FUNDC2: variants seen among roughly 807,000 people sequenced by gnomAD.
FUNDC2 encodes the protein FUN14 domain containing 2, also known as FUN14 domain-containing protein 2.
FUNDC2 carries 4 observed loss-of-function variants against 15.6 expected under a neutral mutation model. The ratio of observed to expected loss-of-function variants is 0.26; its 90% CI spans 0.13 to 0.59. The LOEUF (loss-of-function observed/expected upper bound fraction) is 0.59, where lower values mean the gene tolerates loss of function less well. Among genes scored for constraint, FUNDC2 ranks in the 20% least tolerant of loss-of-function variants. FUNDC2 has a pLI of 0.90. For synonymous variants in FUNDC2, 44 were observed against 56.9 expected (o/e 0.77, Z 1.02); for missense variants, 98 against 149.7 (o/e 0.65, Z 1.80).
At position 155,026,882 on chromosome X, in the gene FUNDC2, G is replaced by T. The variant is rs2073793334; in HGVS notation, c.-57G>T. On this transcript the variant is annotated 5_prime_UTR_variant, in exon 1 of 5. Transcript: ENST00000369498. ...GAGCTCTGTGATGTAGCCGCTTGCG[G>T]AGACTGCAAGCAGCCGCGGCGCGCC... The T allele has an allele frequency of 8.6e-7, 1 of 1,159,941 alleles. No individual in the cohort carries two copies.
chrX:155,041,236 C>T (rs1209311802), intron 2 of FUNDC2, among the ~76,000 whole-genome samples: 1 of 111,951 alleles, frequency 8.9e-6, no homozygotes, highest in Non-Finnish European at 1.9e-5. Context: ...TTCAAGAAAT[C>T]TAACGCTTCA....
chrX:155,032,314 C>T (rs2073818208), intron 1 of FUNDC2, among the ~76,000 whole-genome samples: 1 of 78,815 alleles, frequency 1.3e-5, no homozygotes, highest in Admixed American at 1.8e-4. Context: ...GAGATGGAGT[C>T]TCATTCTTGT....
At chrX:155,038,996 C>T (rs1235147531) in intron 2 of FUNDC2, among the ~76,000 whole-genome samples, 3 of 112,438 alleles carry the variant, frequency 2.7e-5, no homozygotes, top group Non-Finnish European at 5.6e-5. Flanking sequence ...CTTTTCTCTA[C>T]ATCCTCACCA....
rs1397487506 is a variant in FUNDC2 at position 155,059,583 on chromosome X, T to C, written c.*4911T>C. ...TAAATGTTAAGCCTTCTATGATGGC[T>C]ATTTTATTTTTTTGTATGTCATAAT... On this transcript the variant is annotated 3_prime_UTR_variant, in exon 5 of 5. Transcript: ENST00000369498. The C allele has an allele frequency of 8.9e-6, 1 of 111,850 alleles. No homozygotes were observed. The highest frequency in any genetic ancestry group is 2.8e-4 in the East Asian group (1 of 3,584). 9.2% of individuals were successfully genotyped at this position (111,850 alleles called of 1,213,427 possible). A position where few individuals can be genotyped will look rare whatever the true frequency, so the allele number is the denominator to read the frequency against.
At chrX:155,038,714 A>G (rs2073839043) in intron 2 of FUNDC2, among the ~76,000 whole-genome samples, 1 of 112,426 alleles carries the variant, frequency 8.9e-6, no homozygotes, top group Non-Finnish European at 1.9e-5. Flanking sequence ...ACAGTATTCC[A>G]TTATGTAATA....
chrX:155,047,285 G>C, intron 3 of FUNDC2: 1 of 341,597 alleles, frequency 2.9e-6, no homozygotes, highest in Non-Finnish European at 5.9e-6. Flanking sequence ...AACTCCTGAG[G>C]TGATTCTGCT....
intron 2 of FUNDC2, among the ~76,000 whole-genome samples, chrX:155,034,977 T>C (rs930165319): frequency 4.5e-5 from 5 of 112,116 alleles, no homozygotes; most frequent in African/African-American, 1.6e-4. Context: ...TAGTTGTGTG[T>C]ATTATAGATA....
chrX:155,035,423 ATATT>A (rs1557289082), intron 2 of FUNDC2, among the ~76,000 whole-genome samples: 7 of 112,021 alleles, frequency 6.2e-5, no homozygotes, highest in Non-Finnish European at 1.3e-4. Context: ...TAAGTTGCAC[ATATT>A]TAAAGTATAA....
chrX:155,032,000 A>T, intron 1 of FUNDC2, among the ~76,000 whole-genome samples: 1 of 103,170 alleles, frequency 9.7e-6, no homozygotes, highest in African/African-American at 3.7e-5. Context: ...TCTGAGACGG[A>T]GTTTCACTCT....
chrX:155,037,588 A>G (rs2073834839), intron 2 of FUNDC2, among the ~76,000 whole-genome samples: 1 of 110,604 alleles, frequency 9.0e-6, no homozygotes, highest in African/African-American at 3.3e-5. Context: ...GGTTCAAGCA[A>G]TTCTCTCGCC....
intron 1 of FUNDC2, 68 bp from the exon 2 acceptor site, chrX:155,033,335 T>C: frequency 1.2e-6 from 1 of 819,216 alleles, no homozygotes; most frequent in Admixed American, 2.7e-5. Flanking sequence ...TGTCTGTTTC[T>C]TTAAATATCT....
intron 4 of FUNDC2, 158 bp from the exon 5 acceptor site, chrX:155,054,422 TTATTATTAAATAGAC>T (rs1253989578): frequency 2.7e-6 from 2 of 747,811 alleles, no homozygotes; most frequent in African/African-American, 4.7e-5. Flanking sequence ...GTCTATTTAA[TTATTATTAAATAGAC>T]TATTAGTGTA....
At chrX:155,032,725 G>A (rs1237157462) in intron 1 of FUNDC2, among the ~76,000 whole-genome samples, 1 of 112,238 alleles carries the variant, frequency 8.9e-6, no homozygotes, top group Non-Finnish European at 1.9e-5. Flanking sequence ...ATTATCACTG[G>A]AGATCCACGT....
intron 3 of FUNDC2, chrX:155,047,262 T>C (rs1208093709): frequency 6.0e-6 from 2 of 334,698 alleles, no homozygotes; most frequent in African/African-American, 2.7e-5. Context: ...TCTGATTTCA[T>C]TGGAAAACTT....
rs1403122570 is a variant in FUNDC2, at chrX:155,046,569, A to AT, written c.351dup (p.Leu118SerfsTer14). 1 of 1,204,299 alleles carries AT rather than the reference A, an allele frequency of 8.3e-7. No homozygotes were observed. Among genetic ancestry groups the AT allele is most frequent in the Non-Finnish European group, 1.1e-6 (1 of 890,314 alleles). Reference sequence around the variant, plus strand: ...TGGCTGCAACAGCTGTGGGAGGTGGATTTTTTCTCCTTCAGGTCTGTATGT... The same window carrying AT: ...TGGCTGCAACAGCTGTGGGAGGTGGATTTTTTTCTCCTTCAGGTCTGTATGT... On this transcript the variant is annotated frameshift_variant, in exon 3 of 5. Coordinates refer to ENST00000369498, the MANE Select transcript of FUNDC2 (RefSeq NM_023934.4). LOFTEE classifies it high-confidence loss of function.
intron 1 of FUNDC2, among the ~76,000 whole-genome samples, chrX:155,028,078 CTGCTCT>C (rs1557288445): frequency 4.4e-5 from 5 of 112,434 alleles, no homozygotes; most frequent in African/African-American, 1.6e-4. Context: ...TAAGAGCAGA[CTGCTCT>C]TATAGACTTT....
rs1340612372 is a variant in FUNDC2 at position 155,026,923 on chromosome X, C to T, written c.-16C>T. ...GCGGCGCGCCCGGCCCTCCCTCTTC[C>T]GCTGCCGCCGTGGGAATGGAAACAT... On this transcript the variant is annotated 5_prime_UTR_variant, in exon 1 of 5. Coordinates refer to ENST00000369498, the MANE Select transcript of FUNDC2 (RefSeq NM_023934.4). 22 of 1,176,726 alleles carry T rather than the reference C, an allele frequency of 1.9e-5. No individual in the cohort carries two copies. Among genetic ancestry groups the T allele is most frequent in the Non-Finnish European group, 2.5e-5 (22 of 880,717 alleles).
rs782604903 is a variant in FUNDC2, at chrX:155,054,683, C to A, written c.*11C>A. 1 of 1,192,387 alleles carries A rather than the reference C, an allele frequency of 8.4e-7. No homozygotes were observed. The highest frequency in any genetic ancestry group is 1.8e-5 in the South Asian group (1 of 56,329). ...GGCATGGCATCCTAAGGAAGATGACCTCATGTTCATTGTTCCTGGTTTTTT... is the reference window on the plus strand; with the variant it reads ...GGCATGGCATCCTAAGGAAGATGACATCATGTTCATTGTTCCTGGTTTTTT... On this transcript the variant is annotated 3_prime_UTR_variant, in exon 5 of 5. Coordinates refer to ENST00000369498, the MANE Select transcript of FUNDC2 (RefSeq NM_023934.4).
intron 4 of FUNDC2, among the ~76,000 whole-genome samples, chrX:155,053,273 AC>A (rs2073884207): frequency 8.9e-6 from 1 of 112,218 alleles, no homozygotes; most frequent in African/African-American, 3.2e-5. Context: ...TTATAAAGTA[AC>A]CAGATAATTT....
Sources: gnomAD v4.1 joint callset for allele counts (sites outside exome capture counted in the v4.1 genomes callset) on GRCh38, gnomAD v4.1.1 for gene constraint, MANE v1.5 for transcripts, NCBI Gene and HGNC (gene_info 2026-07-23, HGNC 2026-07-21) for gene names.